Variants in NFKB1 observed in about 807,000 individuals in gnomAD.
The protein encoded by NFKB1 is nuclear factor NF-kappa-B p105 subunit.
Under a neutral mutation model 105.1 loss-of-function variants are expected in NFKB1, and 9 were observed. That is an observed-to-expected ratio of 0.09 (90% CI 0.05 to 0.15). The LOEUF (loss-of-function observed/expected upper bound fraction) is 0.15. Among genes scored for constraint, NFKB1 ranks in the 10% least tolerant of loss-of-function variants. The probability of loss-of-function intolerance (pLI) is 1.00; values close to 1 mark genes in which losing one functional copy is unlikely to be tolerated. For synonymous variants in NFKB1, 440 were observed against 442.2 expected, an observed-to-expected ratio of 1.00 and a Z score of 0.06; for missense variants, 830 against 1,203.7, an observed-to-expected ratio of 0.69 and a Z score of 4.59.
intron 15 of NFKB1, among the ~76,000 whole-genome samples, chr4:102,598,505 A>C (rs1473205251): frequency 1.3e-5 from 2 of 152,164 alleles, no homozygotes; most frequent in Non-Finnish European, 2.9e-5. Context: ...GGAAAGTAAC[A>C]ACCTCAGGGT....
chr4:102,504,542 T>C (rs1041035656), intron 1 of NFKB1, among the ~76,000 whole-genome samples: 1 of 152,198 alleles, frequency 6.6e-6, no homozygotes, highest in African/African-American at 2.4e-5. Flanking sequence ...TGCTAGAGGA[T>C]ATGTTAAGAT....
chr4:102,586,573 C>T (rs1725729565), intron 11 of NFKB1, among the ~76,000 whole-genome samples: 3 of 152,108 alleles, frequency 2.0e-5, no homozygotes, highest in Admixed American at 1.3e-4. Flanking sequence ...GTCCACTGAC[C>T]CCCAAAGAGT....
rs1422789615 is a variant in NFKB1, at chr4:102,501,449, C to G, written c.-347C>G. On this transcript the variant is annotated 5_prime_UTR_variant, in exon 1 of 24. Transcript: ENST00000226574. The stretch of plus-strand genomic sequence containing the variant: ...TGACAGCTTCCCCTGCCCTTCCCGT[C>G]GGTCGGGCCGCCAGCCGCCGCAGCC... 2 of 150,642 alleles carry G rather than the reference C, an allele frequency of 1.3e-5. No individual in the cohort carries two copies. Among genetic ancestry groups the G allele is most frequent in the East Asian group, 3.9e-4 (2 of 5,168 alleles). 9.3% of individuals were successfully genotyped at this position (150,642 alleles called of 1,614,324 possible). A position where few individuals can be genotyped will look rare whatever the true frequency, so the allele number is the denominator to read the frequency against.
chr4:102,606,889 G>A (rs367969990), intron 17 of NFKB1, among the ~76,000 whole-genome samples, 192 bp downstream of exon 17: 2 of 152,222 alleles, frequency 1.3e-5, no homozygotes, highest in Non-Finnish European at 2.9e-5. Flanking sequence ...GGAATAGTTA[G>A]TAGGAGGAGA....
intron 1 of NFKB1, among the ~76,000 whole-genome samples, chr4:102,518,168 A>G (rs567610394): frequency 6.6e-6 from 1 of 152,220 alleles, no homozygotes; most frequent in Non-Finnish European, 1.5e-5. Context: ...AGAAATTGCA[A>G]AGTCAAAAAT....
intron 23 of NFKB1, among the ~76,000 whole-genome samples, chr4:102,615,522 A>G (rs764455394): frequency 2.0e-5 from 3 of 152,262 alleles, no homozygotes; most frequent in Non-Finnish European, 4.4e-5. Flanking sequence ...TATCCGCCGG[A>G]AAACAACCCA....
At chr4:102,593,367 G>T in intron 11 of NFKB1, 58 bp from the exon 12 acceptor site, 3 of 1,458,390 alleles carry the variant, frequency 2.1e-6, no homozygotes, top group African/African-American at 1.4e-5. Context: ...TCTTTCTGTG[G>T]CTAGTGGTGG....
At chr4:102,527,172 T>C (rs1475239606) in intron 2 of NFKB1, among the ~76,000 whole-genome samples, 1 of 152,216 alleles carries the variant, frequency 6.6e-6, no homozygotes, top group African/African-American at 2.4e-5. Context: ...AGGAACCTAC[T>C]ATTTTAATAG....
rs766657016 is a variant in NFKB1 at position 102,533,899 on chromosome 4, G to A, written c.159+14G>A. 5 of 1,606,292 alleles carry A rather than the reference G, an allele frequency of 3.1e-6. No homozygotes were observed. In the South Asian group the frequency reaches 3.3e-5, roughly 11 times the overall value. On this transcript the variant is annotated intron_variant, in intron 4 of 23. Coordinates refer to ENST00000226574, the MANE Select transcript of NFKB1 (RefSeq NM_003998.4). ...CAACCTAAACAGGTAAGATTAAAGG[G>A]GTGGGACTTTAAATGTTAGATTCCA...
chr4:102,545,592 T>C (rs230519), intron 5 of NFKB1, among the ~76,000 whole-genome samples: 106,693 of 151,948 alleles, frequency 0.7, 38,230 homozygotes, highest in African/African-American at 0.83. Flanking sequence ...TCTTAACCAT[T>C]GTGGAATACC....
intron 5 of NFKB1, among the ~76,000 whole-genome samples, chr4:102,560,986 C>A (rs1723376640): frequency 6.6e-6 from 1 of 152,124 alleles, no homozygotes; most frequent in Non-Finnish European, 1.5e-5. Flanking sequence ...TGTGTAAGGC[C>A]ACAGAGCTAG....
chr4:102,600,547 C>T (rs865982988), intron 15 of NFKB1, among the ~76,000 whole-genome samples: 6 of 152,120 alleles, frequency 3.9e-5, no homozygotes, highest in Admixed American at 6.5e-5. Context: ...AGAAGAAAAC[C>T]GCCCAAAGCC....
chr4:102,545,776 T>G (rs1439981132), intron 5 of NFKB1, among the ~76,000 whole-genome samples: 4 of 152,116 alleles, frequency 2.6e-5, no homozygotes, highest in Non-Finnish European at 5.9e-5. Flanking sequence ...AATCTTGGAT[T>G]CTACAATAAT....
intron 15 of NFKB1, among the ~76,000 whole-genome samples, chr4:102,599,234 T>C (rs1474084613): frequency 6.6e-6 from 1 of 152,226 alleles, no homozygotes; most frequent in African/African-American, 2.4e-5. Flanking sequence ...ATGTGCATCA[T>C]GTCTATGTCA....
chr4:102,585,060 T>TTTTAC (rs980138140), intron 11 of NFKB1, among the ~76,000 whole-genome samples: 3 of 152,000 alleles, frequency 2.0e-5, no homozygotes, highest in Non-Finnish European at 4.4e-5. Flanking sequence ...TTTTTTTTTT[T>TTTTAC]TTTACTTTTA....
intron 2 of NFKB1, among the ~76,000 whole-genome samples, chr4:102,529,071 A>G (rs956914052): frequency 3.3e-5 from 5 of 152,140 alleles, no homozygotes; most frequent in Admixed American, 1.3e-4. Flanking sequence ...GCCCACCTGG[A>G]CAATTCAAGA....
At position 102,617,071 on chromosome 4, in the gene NFKB1, T is replaced by G. The variant is rs561474810; in HGVS notation, c.*477T>G. 6.8e-6 allele frequency: 1 copy of G among 146,128 alleles called. No homozygotes were observed. The highest frequency in any genetic ancestry group is 2.0e-4 in the East Asian group (1 of 5,006). 9.1% of individuals were successfully genotyped at this position (146,128 alleles called of 1,614,324 possible). A position where few individuals can be genotyped will look rare whatever the true frequency, so the allele number is the denominator to read the frequency against. ...TTTAAAAAAAAAGGCATATTGCTTT[T>G]TCTAATGTGGTTATTTCTCTGATTT... On this transcript the variant is annotated 3_prime_UTR_variant, in exon 24 of 24. Coordinates refer to ENST00000226574, the MANE Select transcript of NFKB1 (RefSeq NM_003998.4).
intron 4 of NFKB1, among the ~76,000 whole-genome samples, chr4:102,536,605 A>G (rs188162026): frequency 2.2e-4 from 34 of 152,300 alleles, no homozygotes; most frequent in Admixed American, 6.5e-4. Flanking sequence ...TAGTCTAAGT[A>G]GTGCATACGT....
intron 1 of NFKB1, chr4:102,502,284 TGAATA>T (rs1369596432): frequency 6.6e-6 from 1 of 151,758 alleles, no homozygotes; most frequent in African/African-American, 2.4e-5. Context: ...TCCCCAGAAT[TGAATA>T]GGAGAGTCTA....
Sources: gnomAD v4.1 joint callset for allele counts (sites outside exome capture counted in the v4.1 genomes callset) on GRCh38, gnomAD v4.1.1 for gene constraint, MANE v1.5 for transcripts, NCBI Gene and HGNC (gene_info 2026-07-23, HGNC 2026-07-21) for gene names.